Variants in TMOD2 observed in about 807,000 individuals in gnomAD.
TMOD2 encodes tropomodulin 2.
A neutral mutation model predicts 39.9 loss-of-function variants in TMOD2; 22 were observed. That is an observed-to-expected ratio of 0.55 (90% confidence interval 0.39 to 0.79). The LOEUF is 0.79. Among genes scored for constraint, TMOD2 ranks in the 30% least tolerant of loss-of-function variants. TMOD2 has a pLI of 0.00. For synonymous variants in TMOD2, 123 were observed against 146.1 expected (o/e 0.84, Z 1.14); for missense variants, 386 against 413.3 (o/e 0.93, Z 0.57).
intron 1 of TMOD2, 96 bp from the exon 2 acceptor site, chr15:51,766,277 A>G (rs1787697545): frequency 8.6e-6 from 5 of 580,180 alleles, no homozygotes; most frequent in Non-Finnish European, 1.2e-5. Flanking sequence ...CATTCAATAC[A>G]GTAGGCTCCA....
At chr15:51,763,645 C>A (rs1419334180) in intron 1 of TMOD2, among the ~76,000 whole-genome samples, 4 of 152,226 alleles carry the variant, frequency 2.6e-5, no homozygotes, top group South Asian at 2.1e-4. Flanking sequence ...CCTGCATTGT[C>A]ACCTCCCCAC....
chr15:51,757,492 C>G (rs2055750574), intron 1 of TMOD2, among the ~76,000 whole-genome samples: 1 of 151,868 alleles, frequency 6.6e-6, no homozygotes, highest in East Asian at 1.9e-4. Context: ...TTTAAGGGCC[C>G]AAGTCATGCT....
intron 8 of TMOD2, 39 bp downstream of exon 8, chr15:51,798,379 G>A (rs1408681870): frequency 1.2e-6 from 2 of 1,604,626 alleles, no homozygotes; most frequent in Admixed American, 1.7e-5. Context: ...CAACTCACAG[G>A]GTGTGCAGTG....
intron 1 of TMOD2, among the ~76,000 whole-genome samples, chr15:51,759,291 G>A (rs1460834817): frequency 6.6e-6 from 1 of 152,152 alleles, no homozygotes; most frequent in Non-Finnish European, 1.5e-5. Context: ...ACATATTTGA[G>A]GTGTCTGAGG....
At chr15:51,768,043 C>T (rs1332175766) in intron 2 of TMOD2, among the ~76,000 whole-genome samples, 5 of 152,188 alleles carry the variant, frequency 3.3e-5, no homozygotes, top group Admixed American at 6.5e-5. Flanking sequence ...GCCATCTATG[C>T]GCTGCTTGAG....
At chr15:51,758,287 G>A (rs1481929396) in intron 1 of TMOD2, among the ~76,000 whole-genome samples, 4 of 152,092 alleles carry the variant, frequency 2.6e-5, no homozygotes, top group African/African-American at 7.2e-5. Context: ...TCCTACTGAA[G>A]TATGACATGG....
At chr15:51,776,704 G>A (rs2055891376) in intron 4 of TMOD2, among the ~76,000 whole-genome samples, 2 of 152,158 alleles carry the variant, frequency 1.3e-5, no homozygotes, top group Non-Finnish European at 2.9e-5. Context: ...GATCCTAAAT[G>A]ATTCTACATG....
chr15:51,804,415 C>A (rs536417607), intron 8 of TMOD2, among the ~76,000 whole-genome samples: 1 of 150,328 alleles, frequency 6.7e-6, no homozygotes, highest in Non-Finnish European at 1.5e-5. Context: ...TGTGTAGATA[C>A]GTGAATGCAT....
chr15:51,801,229 T>TCACACACACACACACACA (rs1391987137), intron 8 of TMOD2, among the ~76,000 whole-genome samples: 1 of 98,504 alleles, frequency 1.0e-5, no homozygotes, highest in African/African-American at 4.8e-5. Context: ...TCTCTCTCTC[T>TCACACACACACACACACA]CTCTCTCTCA....
chr15:51,794,060 G>T (rs1040346478), intron 7 of TMOD2, among the ~76,000 whole-genome samples: 21 of 152,332 alleles, frequency 1.4e-4, no homozygotes, highest in Non-Finnish European at 2.1e-4. Context: ...TAGTCCAGTG[G>T]TTCTCAACCT....
At position 51,776,004 on chromosome 15, in the gene TMOD2, C is replaced by T. The variant is rs139625620; in HGVS notation, c.407-928C>T. 4.8e-3 allele frequency among the ~76,000 whole-genome samples: 738 copies of T among 152,270 alleles called. 9 individuals are homozygous for T. Among genetic ancestry groups the T allele is most frequent in the African/African-American group, 0.017 (697 of 41,546 alleles). ...TATCCCTGTTTTACAGATGAGGAAA[C>T]GGAGACTCGGGCATTTAACAACTTC... is the stretch of plus-strand genomic sequence containing the variant. On this transcript the variant is annotated intron_variant, in intron 4 of 9. Transcript: ENST00000249700.
At chr15:51,762,699 A>G (rs1214566777) in intron 1 of TMOD2, among the ~76,000 whole-genome samples, 1 of 152,078 alleles carries the variant, frequency 6.6e-6, no homozygotes, top group East Asian at 1.9e-4. Flanking sequence ...TCCTCTCATC[A>G]GCCCCTCCCA....
At chr15:51,765,311 T>G (rs943103350) in intron 1 of TMOD2, among the ~76,000 whole-genome samples, 1 of 152,180 alleles carries the variant, frequency 6.6e-6, no homozygotes, top group Middle Eastern at 3.2e-3. Context: ...TCCTCATGTG[T>G]TTTTAAACCT....
At chr15:51,759,927 T>C (rs1260062277) in intron 1 of TMOD2, among the ~76,000 whole-genome samples, 2 of 152,224 alleles carry the variant, frequency 1.3e-5, no homozygotes, top group African/African-American at 4.8e-5. Flanking sequence ...GGGCTGCCTC[T>C]TGGGAGATGT....
chr15:51,781,205 A>C, intron 6 of TMOD2, 31 bp downstream of exon 6: 2 of 1,573,476 alleles, frequency 1.3e-6, no homozygotes, highest in Non-Finnish European at 1.7e-6. Context: ...TCAGTCAGTT[A>C]ATTTATCATG....
At chr15:51,781,487 A>T (rs2055929316) in intron 6 of TMOD2, among the ~76,000 whole-genome samples, 2 of 152,376 alleles carry the variant, frequency 1.3e-5, no homozygotes, top group South Asian at 4.1e-4. Flanking sequence ...CAGTGTCAGG[A>T]ATCTGGTAGT....
At chr15:51,803,952 A>G (rs76080773) in intron 8 of TMOD2, among the ~76,000 whole-genome samples, 4,026 of 152,386 alleles carry the variant, frequency 0.026, 73 homozygotes, top group Middle Eastern at 0.082. Context: ...ACAAAGATTA[A>G]AAAGGTTAGT....
At chr15:51,780,240 C>G (rs542434919) in intron 5 of TMOD2, among the ~76,000 whole-genome samples, 288 of 152,314 alleles carry the variant, frequency 1.9e-3, no homozygotes, top group African/African-American at 6.7e-3. Context: ...CCAAATTACT[C>G]TCCCAAAACA....
chr15:51,781,197 AG>A, intron 6 of TMOD2, 23 bp downstream of exon 6: 3 of 1,580,358 alleles, frequency 1.9e-6, no homozygotes, highest in Non-Finnish European at 2.6e-6. Context: ...GATTATCATC[AG>A]TCAGTTAATT....
Sources: allele counts gnomAD v4.1 joint callset (sites outside exome capture counted in the v4.1 genomes callset), GRCh38; gene constraint gnomAD v4.1.1; transcripts MANE v1.5; gene names NCBI Gene and HGNC (gene_info 2026-07-23, HGNC 2026-07-21).